Variants in ROBO2 observed in about 807,000 individuals in gnomAD.
ROBO2 encodes roundabout homolog 2.
In ROBO2, 53 loss-of-function variants were observed where a neutral mutation model predicts 160.8. The observed-to-expected ratio is 0.33, with a 90% CI of 0.26 to 0.41. The LOEUF is 0.41. ROBO2 is among the 10% of genes least tolerant of loss of function. The probability of loss-of-function intolerance (pLI) is 1.00; values close to 1 mark genes in which losing one functional copy is unlikely to be tolerated. For missense variants in ROBO2, 1,577 were observed against 1,722.4 expected (o/e 0.92, Z 1.49); for synonymous variants, 664 against 611.7 (o/e 1.09, Z -1.26).
intron 24 of ROBO2, 49 bp from the exon 27 acceptor site, chr3:77,644,655 C>A: frequency 6.5e-7 from 1 of 1,540,636 alleles, no homozygotes; most frequent in Non-Finnish European, 9.0e-7. Flanking sequence ...GTTTAGTTTG[C>A]CTCCATGTTT....
chr3:76,038,911 T>G (rs1350141630), intron 2 of ROBO2, among the ~76,000 whole-genome samples: 1 of 151,866 alleles, frequency 6.6e-6, no homozygotes, highest in Admixed American at 6.6e-5. Context: ...TTTGTTTCAG[T>G]AGTGAATGCA....
At chr3:77,348,916 G>A (rs2067984866) in intron 2 of ROBO2, among the ~76,000 whole-genome samples, 2 of 151,486 alleles carry the variant, frequency 1.3e-5, no homozygotes, top group Admixed American at 6.6e-5. Flanking sequence ...ATATTCATTT[G>A]TCTGGCTCTC....
At chr3:76,667,058 A>T (rs17014490) in intron 2 of ROBO2, among the ~76,000 whole-genome samples, 41,077 of 152,030 alleles carry the variant, frequency 0.27, 6,092 homozygotes, top group East Asian at 0.47. Flanking sequence ...ATTCACAAGG[A>T]TGTTTTATGG....
At chr3:77,460,023 G>C (rs932255841) in intron 2 of ROBO2, among the ~76,000 whole-genome samples, 1 of 152,060 alleles carries the variant, frequency 6.6e-6, no homozygotes, top group African/African-American at 2.4e-5. Context: ...AGGTTCCTCT[G>C]TCTGCTGCAG....
exon 1 of ROBO2, chr3:77,040,448 C>T: frequency 9.2e-7 from 1 of 1,081,978 alleles, no homozygotes; most frequent in Non-Finnish European, 1.1e-6. Context: ...GAAGGAAGAA[C>T]TTGGCTTTGG....
intron 2 of ROBO2, among the ~76,000 whole-genome samples, chr3:76,010,972 C>T (rs1450664271): frequency 6.6e-6 from 1 of 152,004 alleles, no homozygotes; most frequent in Non-Finnish European, 1.5e-5. Flanking sequence ...AAGAGAAGAC[C>T]CCCAGAGCTA....
At chr3:77,445,883 A>G (rs2153558155) in intron 2 of ROBO2, among the ~76,000 whole-genome samples, 1 of 147,958 alleles carries the variant, frequency 6.8e-6, no homozygotes, top group Admixed American at 6.9e-5. Flanking sequence ...AACTGTGTCT[A>G]GTATACTGTA....
At chr3:76,909,424 T>TG (rs2075827047) in intron 2 of ROBO2, among the ~76,000 whole-genome samples, 2 of 152,230 alleles carry the variant, frequency 1.3e-5, no homozygotes, top group Admixed American at 1.3e-4. Flanking sequence ...GAGGGGGTTC[T>TG]GGGGAGGGAT....
chr3:77,254,398 A>G (rs1054023214), intron 2 of ROBO2, among the ~76,000 whole-genome samples: 16 of 152,222 alleles, frequency 1.1e-4, no homozygotes, highest in African/African-American at 3.9e-4. Context: ...GAGAGTAAAC[A>G]GAGGAAGCAG....
chr3:76,014,789 G>A (rs950734172), intron 2 of ROBO2, among the ~76,000 whole-genome samples: 1 of 152,206 alleles, frequency 6.6e-6, no homozygotes, highest in African/African-American at 2.4e-5. Flanking sequence ...TTGGCTGGGT[G>A]CAGTGGCACG....
At chr3:76,531,344 T>C (rs1275291945) in intron 2 of ROBO2, among the ~76,000 whole-genome samples, 1 of 152,200 alleles carries the variant, frequency 6.6e-6, no homozygotes, top group East Asian at 1.9e-4. Context: ...AATCTAGCAA[T>C]GAGTCTTTAC....
chr3:76,807,680 T>G (rs1022137348), intron 2 of ROBO2, among the ~76,000 whole-genome samples: 2 of 152,078 alleles, frequency 1.3e-5, no homozygotes, highest in Non-Finnish European at 2.9e-5. Flanking sequence ...AGTTATACAC[T>G]GTCAGTCCTC....
Position 76,588,168 on chromosome 3 carries a change from A to G in ROBO2, c.110-509846A>G, listed in dbSNP as rs11917320. Among the ~76,000 whole-genome samples, 894 of 152,298 alleles carry G rather than the reference A, an allele frequency of 5.9e-3. 9 individuals carry two copies. Among genetic ancestry groups the G allele is most frequent in the African/African-American group, 0.02 (814 of 41,570 alleles). Reference sequence around the variant, plus strand: ...ATTGTCTTTCTCTTCTCAAGATCCTATTAACTTTCAATCTGTGTCACTCAT... The same window carrying G: ...ATTGTCTTTCTCTTCTCAAGATCCTGTTAACTTTCAATCTGTGTCACTCAT... On this transcript the variant is annotated intron_variant, in intron 2 of 26. Coordinates refer to the ROBO2 transcript ENST00000487694.
At chr3:76,350,670 G>T (rs1476449282) in intron 2 of ROBO2, among the ~76,000 whole-genome samples, 2 of 151,896 alleles carry the variant, frequency 1.3e-5, no homozygotes, top group Non-Finnish European at 2.9e-5. Context: ...ACTTTAATGG[G>T]AGCTTATTTT....
At chr3:76,267,889 T>C (rs894585255) in intron 2 of ROBO2, among the ~76,000 whole-genome samples, 1 of 152,152 alleles carries the variant, frequency 6.6e-6, no homozygotes, top group Non-Finnish European at 1.5e-5. Context: ...ACATCCACAT[T>C]ACTACATCTT....
At chr3:77,138,184 G>C (rs890834256) in intron 2 of ROBO2, among the ~76,000 whole-genome samples, 1 of 152,058 alleles carries the variant, frequency 6.6e-6, no homozygotes, top group Non-Finnish European at 1.5e-5. Flanking sequence ...TTTCTCACTA[G>C]TTTTCATTTG....
At chr3:77,453,702 T>C (rs939727693) in intron 2 of ROBO2, among the ~76,000 whole-genome samples, 4 of 152,142 alleles carry the variant, frequency 2.6e-5, no homozygotes, top group Non-Finnish European at 5.9e-5. Flanking sequence ...TCTTGTTTAG[T>C]CCTAGTTTTT....
At chr3:76,791,939 T>C (rs1467931627) in intron 2 of ROBO2, among the ~76,000 whole-genome samples, 2 of 151,890 alleles carry the variant, frequency 1.3e-5, no homozygotes, top group African/African-American at 4.8e-5. Flanking sequence ...CAAGAGGTAA[T>C]TTAAAGTACA....
At chr3:77,063,114 C>T (rs72904030) in intron 1 of ROBO2, among the ~76,000 whole-genome samples, 5,517 of 152,110 alleles carry the variant, frequency 0.036, 346 homozygotes, top group African/African-American at 0.13. Flanking sequence ...AACTGGTGGA[C>T]TATTAAAGCA....
Sources: allele counts gnomAD v4.1 joint callset (sites outside exome capture counted in the v4.1 genomes callset), GRCh38; gene constraint gnomAD v4.1.1; transcripts MANE v1.5; gene names NCBI Gene and HGNC (gene_info 2026-07-23, HGNC 2026-07-21).